Variants in WDR97 observed in about 807,000 individuals in gnomAD.
The protein encoded by WDR97 is WD repeat domain 97.
WDR97 carries 111 observed loss-of-function variants against 65.4 expected under a neutral mutation model. The observed-to-expected ratio is 1.70, with a 90% CI of 1.45 to 1.99. The LOEUF is 1.99. WDR97 is among the 30% of genes most tolerant of loss of function. The pLI, the probability that WDR97 is intolerant of heterozygous loss-of-function variation, is 0.00. For missense variants in WDR97, 1,674 were observed against 865.0 expected, an observed-to-expected ratio of 1.94 and a Z score of -11.73; for synonymous variants, 802 against 397.7, an observed-to-expected ratio of 2.02 and a Z score of -12.10.
At position 144,116,462 on chromosome 8, in the gene WDR97, C is replaced by A; in HGVS notation, c.*169C>A. 2 of 491,908 alleles carry A rather than the reference C, an allele frequency of 4.1e-6. No individual in the cohort carries two copies. Among genetic ancestry groups the A allele is most frequent in the Non-Finnish European group, 7.1e-6 (2 of 280,286 alleles). The allele number at this position is 491,908 out of a possible 1,614,324, so 30.5% of individuals were successfully genotyped here. On this transcript the variant is annotated 3_prime_UTR_variant, in exon 24 of 24. Transcript: ENST00000323662. ...GGCGTGCGGCCTGAACCCACAGTGGCGGCGGAAGGCAGGAGCCGGAGGCCT... is the reference window on the plus strand; with the variant it reads ...GGCGTGCGGCCTGAACCCACAGTGGAGGCGGAAGGCAGGAGCCGGAGGCCT...
chr8:144,110,510 G>C lies in WDR97; in HGVS notation c.2013G>C (p.Gln671His), dbSNP rs1225009489. ...DPDSATYGLVQFGLGDSPRLD... is the reference protein window; with the variant it reads ...DPDSATYGLVHFGLGDSPRLD... ...ACAGCGCTACCTACGGCCTGGTGCA[G>C]TTTGGCCTGGGCGACAGTCCGCGAT... The change falls in exon 7 of 24, where the codon CAG becomes CAC. Residue 671 changes from glutamine to histidine, a missense_variant. Transcript: ENST00000323662. 2.8e-6 allele frequency: 2 copies of C among 702,966 alleles called. No individual in the cohort carries two copies. Among genetic ancestry groups the C allele is most frequent in the South Asian group, 3.0e-5 (2 of 67,606 alleles). 43.5% of individuals were successfully genotyped at this position (702,966 alleles called of 1,614,324 possible).
chr8:144,108,339 G>A lies in WDR97; in HGVS notation c.273G>A (p.Ala91=), dbSNP rs944217226. The A allele has an allele frequency of 7.2e-6, 5 of 694,308 alleles. No individual in the cohort carries two copies. Among genetic ancestry groups the A allele is most frequent in the Non-Finnish European group, 1.0e-5 (4 of 382,516 alleles). 43.0% of individuals were successfully genotyped at this position (694,308 alleles called of 1,614,324 possible). A position where few individuals can be genotyped will look rare whatever the true frequency, so the allele number is the denominator to read the frequency against. ...VEKEKRAELR[A]ARLTHGLEPL... is the part of the protein sequence containing the mutation. ...AGGAGAAGAGAGCCGAGCTGCGCGC[G>A]GCGCGCCTGACGCATGGGCTGGAAC... Residue 91 remains alanine, a synonymous_variant, in exon 3 of 24, where the codon GCG becomes GCA. Coordinates refer to ENST00000323662, the MANE Select transcript of WDR97 (RefSeq NM_001316309.2).
rs771469669 is a variant in WDR97 at position 144,108,830 on chromosome 8, C to G, written c.764C>G (p.Ala255Gly). The change falls in exon 3 of 24, where the codon GCG becomes GGG. Residue 255 changes from alanine to glycine, a missense_variant. By Grantham distance (60) the Ala-to-Gly change is moderately conservative. Coordinates refer to ENST00000323662, the MANE Select transcript of WDR97 (RefSeq NM_001316309.2). ...PTGRLMRLAV[A>G]PVPPHHVLRC... ...GGCAGGCTCATGCGTCTGGCTGTGG[C>G]GCCGGTTCCTCCCCACCACGTCCTG... 2.8e-6 allele frequency: 2 copies of G among 702,838 alleles called. No homozygotes were observed. Among genetic ancestry groups the G allele is most frequent in the South Asian group, 3.0e-5 (2 of 67,600 alleles). The allele number at this position is 702,838 out of a possible 1,614,324, so 43.5% of individuals were successfully genotyped here.
intron 21 of WDR97, 61 bp from the exon 22 acceptor site, chr8:144,115,280 C>T: frequency 1.7e-6 from 1 of 573,074 alleles, no homozygotes; most frequent in Non-Finnish European, 3.1e-6. Context: ...TGTCTGCAGC[C>T]AAGTTGCTGG....
rs998117526 is a variant in WDR97 at position 144,115,805 on chromosome 8, C to G, written c.4542C>G (p.Pro1514=). Residue 1514 remains proline (P), a synonymous_variant, in exon 22 of 24, where the codon CCC becomes CCG. Transcript: ENST00000323662. The stretch of plus-strand genomic sequence containing the variant: ...CTGCGCACCCACACCCGCCAGAGCC[C>G]TACACGGTGGCGCCGGTGCCCGACA... The part of the protein sequence containing the change: ...EKAAHPHPPE[P]YTVAPVPDMV... 1.4e-6 allele frequency: 1 copy of G among 691,006 alleles called. No homozygotes were observed. The highest frequency in any genetic ancestry group is 1.8e-5 in the African/African-American group (1 of 56,972). The allele number at this position is 691,006 out of a possible 1,614,324, so 42.8% of individuals were successfully genotyped here.
Position 144,115,971 on chromosome 8 carries a change from G to T in WDR97, c.4624G>T (p.Ala1542Ser), listed in dbSNP as rs1170761249. The T allele has an allele frequency of 4.3e-6, 3 of 700,992 alleles. No individual in the cohort carries two copies. Among genetic ancestry groups the T allele is most frequent in the Non-Finnish European group, 7.8e-6 (3 of 384,436 alleles). 43.4% of individuals were successfully genotyped at this position (700,992 alleles called of 1,614,324 possible). A position where few individuals can be genotyped will look rare whatever the true frequency, so the allele number is the denominator to read the frequency against. Residue 1542 changes from alanine (A) to serine (S), a missense_variant, in exon 23 of 24, where the codon GCC (alanine) becomes TCC (serine). Physicochemically the swap from Ala to Ser is moderately conservative, Grantham distance 99. Coordinates refer to ENST00000323662, the MANE Select transcript of WDR97 (RefSeq NM_001316309.2). ...WYHPILRLQE[A>S]KPQRSARSAM... ...CCACCCCATCCTCCGGCTGCAGGAG[G>T]CCAAGCCGCAGAGGTCCGCGAGGTC...
rs557238642 is a variant in WDR97, at chr8:144,115,816, C to A, written c.4553C>A (p.Ala1518Glu). The A allele has an allele frequency of 2.9e-6, 2 of 687,422 alleles. No homozygotes were observed. Among genetic ancestry groups the A allele is most frequent in the Non-Finnish European group, 5.3e-6 (2 of 375,634 alleles). The allele number at this position is 687,422 out of a possible 1,614,324, so 42.6% of individuals were successfully genotyped here. Residue 1518 changes from alanine (A) to glutamate (E), a missense_variant, in exon 22 of 24, where the codon GCG becomes GAG. Coordinates refer to ENST00000323662, the MANE Select transcript of WDR97 (RefSeq NM_001316309.2). ...CACCCGCCAGAGCCCTACACGGTGG[C>A]GCCGGTGCCCGACATGGTGGTGCCA... ...HPHPPEPYTV[A>E]PVPDMVVPPP...
In WDR97 at chr8:144,109,188, C is replaced by T. The variant is rs1409618005; in HGVS notation, c.1000+18C>T. The T allele has an allele frequency of 2.8e-6, 2 of 702,742 alleles. No homozygotes were observed. The highest frequency in any genetic ancestry group is 3.5e-5 in the African/African-American group (2 of 57,262). 43.5% of individuals were successfully genotyped at this position (702,742 alleles called of 1,614,324 possible). ...CCACACAGGTGCTCTGAGTTCTCTG[C>T]ACCCCGAGCCTCGGCCCTTTGCCTC... On this transcript the variant is annotated intron_variant, in intron 4 of 23. Coordinates refer to ENST00000323662, the MANE Select transcript of WDR97 (RefSeq NM_001316309.2).
chr8:144,114,396 A>G lies in WDR97; in HGVS notation c.3713A>G (p.Asn1238Ser), dbSNP rs1257995439. The change falls in exon 19 of 24, where the codon AAC becomes AGC. Residue 1238 changes from asparagine (N) to serine (S), a missense_variant. Coordinates refer to ENST00000323662, the MANE Select transcript of WDR97 (RefSeq NM_001316309.2). ...ILQVLLRLLP[N>S]MSSDLQGQLQ... ...CAGGTGCTACTGAGACTGCTGCCCA[A>G]CATGAGCAGTGATCTCCAAGGCCAG... is the stretch of plus-strand genomic sequence containing the variant. The G allele has an allele frequency of 5.7e-6, 4 of 702,704 alleles. No homozygotes were observed. In the Admixed American group the frequency reaches 6.0e-5, roughly 11 times the overall value. 43.5% of individuals were successfully genotyped at this position (702,704 alleles called of 1,614,324 possible). A position where few individuals can be genotyped will look rare whatever the true frequency, so the allele number is the denominator to read the frequency against.
At position 144,116,025 on chromosome 8, in the gene WDR97, CA is replaced by C. The variant is rs1230555638; in HGVS notation, c.4666+13del. On this transcript the variant is annotated intron_variant, in intron 23 of 23. Coordinates refer to ENST00000323662, the MANE Select transcript of WDR97 (RefSeq NM_001316309.2). ...GATGAGACTGAGGGGTGAGTGGAGC[CA>C]GGGGTGGAGACTGGACCCCACCCAC... 1 of 699,844 alleles carries C rather than the reference CA, an allele frequency of 1.4e-6. No homozygotes were observed. Among genetic ancestry groups the C allele is most frequent in the Non-Finnish European group, 2.6e-6 (1 of 384,360 alleles). 43.4% of individuals were successfully genotyped at this position (699,844 alleles called of 1,614,324 possible).
Position 144,113,668 on chromosome 8 carries a change from C to A in WDR97, c.3195C>A (p.Ser1065Arg). Residue 1065 changes from serine to arginine, a missense_variant, in exon 17 of 24, where the codon AGC (serine) becomes AGA (arginine). Ser to Arg is a moderately radical substitution (Grantham distance 110, BLOSUM62 -1). Coordinates refer to ENST00000323662, the MANE Select transcript of WDR97 (RefSeq NM_001316309.2). ...TTGCCCCTCTGCAGCCAGGGGCAAG[C>A]CAGGATGCCCTGTGGTTGTGGCGCC... ...QMWLNAEPGA[S>R]QDALWLWRPR... The A allele has an allele frequency of 3.0e-6, 2 of 659,422 alleles. No homozygotes were observed. Among genetic ancestry groups the A allele is most frequent in the Non-Finnish European group, 5.6e-6 (2 of 360,060 alleles). The allele number at this position is 659,422 out of a possible 1,614,324, so 40.8% of individuals were successfully genotyped here. A position where few individuals can be genotyped will look rare whatever the true frequency, so the allele number is the denominator to read the frequency against.
In WDR97 at chr8:144,115,549, G is replaced by A. The variant is rs1836634242; in HGVS notation, c.4286G>A (p.Gly1429Glu). 1 of 697,030 alleles carries A rather than the reference G, an allele frequency of 1.4e-6. No homozygotes were observed. Among genetic ancestry groups the A allele is most frequent in the Admixed American group, 2.0e-5 (1 of 49,760 alleles). The allele number at this position is 697,030 out of a possible 1,614,324, so 43.2% of individuals were successfully genotyped here. A position where few individuals can be genotyped will look rare whatever the true frequency, so the allele number is the denominator to read the frequency against. ...ATGCTGGCACCCAAGCGCAGCTGGG[G>A]GACCCCTCAGCTCCGTCTCAGAGTG... ...QRMLAPKRSW[G>E]TPQLRLRVLS... Residue 1429 changes from glycine to glutamate, a missense_variant, in exon 22 of 24, where the codon GGG becomes GAG. By Grantham distance (98) the Gly-to-Glu change is moderately conservative. Transcript: ENST00000323662.
At position 144,108,758 on chromosome 8, in the gene WDR97, G is replaced by C; in HGVS notation, c.692G>C (p.Arg231Pro). Reference sequence around the variant, plus strand: ...TGGCAGTTCCGTTCAGGTGGTCGCCGCCTGGTGCTGCGAGGGTCAGCACTG... The same window carrying C: ...TGGCAGTTCCGTTCAGGTGGTCGCCCCCTGGTGCTGCGAGGGTCAGCACTG... The part of the protein sequence containing the change: ...ALWQFRSGGR[R>P]LVLRGSALHP... The change falls in exon 3 of 24, where the codon CGC becomes CCC. Residue 231 changes from arginine (R) to proline (P), a missense_variant. By Grantham distance (103) the Arg-to-Pro change is moderately radical. Coordinates refer to ENST00000323662, the MANE Select transcript of WDR97 (RefSeq NM_001316309.2). The C allele has an allele frequency of 1.4e-6, 1 of 701,568 alleles. No individual in the cohort carries two copies. The highest frequency in any genetic ancestry group is 1.5e-5 in the South Asian group (1 of 67,540). The allele number at this position is 701,568 out of a possible 1,614,324, so 43.5% of individuals were successfully genotyped here.
Position 144,109,855 on chromosome 8 carries a change from C to A in WDR97, c.1521C>A (p.Pro507=). ...TCCGCGCCAACGCGGCGCGCTGCCCCATGAGCGTGCTGCACCGCGTGTGCC... is the reference window on the plus strand; with the variant it reads ...TCCGCGCCAACGCGGCGCGCTGCCCAATGAGCGTGCTGCACCGCGTGTGCC... ...HLVRANAARC[P]MSVLHRVCPP... The change falls in exon 5 of 24, where the codon CCC becomes CCA. Residue 507 remains proline (P), a synonymous_variant. Coordinates refer to ENST00000323662, the MANE Select transcript of WDR97 (RefSeq NM_001316309.2). 1 of 698,590 alleles carries A rather than the reference C, an allele frequency of 1.4e-6. No homozygotes were observed. The highest frequency in any genetic ancestry group is 1.5e-5 in the South Asian group (1 of 67,360). 43.3% of individuals were successfully genotyped at this position (698,590 alleles called of 1,614,324 possible). A position where few individuals can be genotyped will look rare whatever the true frequency, so the allele number is the denominator to read the frequency against.
Position 144,110,658 on chromosome 8 carries a change from G to A in WDR97, c.2090G>A (p.Cys697Tyr). 1.4e-6 allele frequency: 1 copy of A among 702,886 alleles called. No individual in the cohort carries two copies. The highest frequency in any genetic ancestry group is 2.6e-6 in the Non-Finnish European group (1 of 385,018). The allele number at this position is 702,886 out of a possible 1,614,324, so 43.5% of individuals were successfully genotyped here. A position where few individuals can be genotyped will look rare whatever the true frequency, so the allele number is the denominator to read the frequency against. ...TGAACCCTGCCGCCAGGCCTGTGCT[G>A]CTGCCCCACGCTCAAACTGTATGCC... ...DPTDHITGLC[C>Y]CPTLKLYACS... Residue 697 changes from cysteine (C) to tyrosine (Y), a missense_variant, in exon 8 of 24, where the codon TGC becomes TAC. Transcript: ENST00000323662.
chr8:144,116,127 T>C lies in WDR97; in HGVS notation c.4703T>C (p.Leu1568Pro), dbSNP rs1419448411. The C allele has an allele frequency of 2.0e-6, 1 of 503,246 alleles. No individual in the cohort carries two copies. The highest frequency in any genetic ancestry group is 2.3e-5 in the African/African-American group (1 of 42,802). 31.2% of individuals were successfully genotyped at this position (503,246 alleles called of 1,614,324 possible). A position where few individuals can be genotyped will look rare whatever the true frequency, so the allele number is the denominator to read the frequency against. ...TCCCGGCTCTGTGCGGGCCGCACCC[T>C]GGACGGCCCCATCCGGACGCTGAAG... ...MRSRLCAGRT[L>P]DGPIRTLKLP... The change falls in exon 24 of 24, where the codon CTG becomes CCG. Residue 1568 changes from leucine (L) to proline (P), a missense_variant. Coordinates refer to ENST00000323662, the MANE Select transcript of WDR97 (RefSeq NM_001316309.2).
rs1341479080 is a variant in WDR97, at chr8:144,107,853, G to A, written c.103G>A (p.Glu35Lys). 1.4e-6 allele frequency: 1 copy of A among 702,836 alleles called. No homozygotes were observed. The highest frequency in any genetic ancestry group is 2.6e-6 in the Non-Finnish European group (1 of 384,994). The allele number at this position is 702,836 out of a possible 1,614,324, so 43.5% of individuals were successfully genotyped here. ...TGTCCCAGACCCTGGGCTGCTCACCGAAAAGAATGGTGAGGGGGCCTGGCC... is the reference window on the plus strand; with the variant it reads ...TGTCCCAGACCCTGGGCTGCTCACCAAAAAGAATGGTGAGGGGGCCTGGCC... ...YDVPDPGLLTEKNELTFTEPS... is the reference protein window; with the variant it reads ...YDVPDPGLLTKKNELTFTEPS... The change falls in exon 1 of 24, where the codon GAA (glutamate) becomes AAA (lysine). Residue 35 changes from glutamate (E) to lysine (K), a missense_variant. Coordinates refer to ENST00000323662, the MANE Select transcript of WDR97 (RefSeq NM_001316309.2).
At position 144,109,074 on chromosome 8, in the gene WDR97, G is replaced by A. The variant is rs141092448; in HGVS notation, c.904G>A (p.Glu302Lys). 39 of 703,160 alleles carry A rather than the reference G, an allele frequency of 5.5e-5. No individual in the cohort carries two copies. In the African/African-American group the frequency reaches 5.7e-4, roughly 10 times the overall value. The allele number at this position is 703,160 out of a possible 1,614,324, so 43.6% of individuals were successfully genotyped here. ...CACCATCTCGGACCTGGCTTACTGC[G>A]AGGAAGTAGAGGCAATGGTGACAGC... The part of the protein sequence containing the change: ...KTTISDLAYC[E>K]EVEAMVTASR... Residue 302 changes from glutamate to lysine, a missense_variant, in exon 4 of 24, where the codon GAG (glutamate) becomes AAG (lysine). Transcript: ENST00000323662.
chr8:144,112,194 T>C, intron 13 of WDR97, 30 bp from the exon 14 acceptor site: 4 of 701,498 alleles, frequency 5.7e-6, no homozygotes. Flanking sequence ...ATGACCCCTC[T>C]GCCACCCTGT....
Sources: allele counts gnomAD v4.1 joint callset, GRCh38; gene constraint gnomAD v4.1.1; transcripts MANE v1.5; gene names NCBI Gene and HGNC (gene_info 2026-07-23, HGNC 2026-07-21).